LRRC1: variants seen among roughly 807,000 people sequenced by gnomAD.
LRRC1 encodes the protein leucine rich repeat containing 1.
A neutral mutation model predicts 69.9 loss-of-function variants in LRRC1; 28 were observed. The ratio of observed to expected loss-of-function variants is 0.40; its 90% CI spans 0.30 to 0.55. The LOEUF (loss-of-function observed/expected upper bound fraction) is 0.55, where lower values mean the gene tolerates loss of function less well. LRRC1 is among the 20% of genes least tolerant of loss of function. LRRC1 has a pLI of 0.47. For missense variants in LRRC1, 498 were observed against 609.0 expected (o/e 0.82, Z 1.92); for synonymous variants, 236 against 240.2 (o/e 0.98, Z 0.16).
chr6:53,837,924 A>C (rs185338040), intron 1 of LRRC1, among the ~76,000 whole-genome samples: 1 of 152,338 alleles, frequency 6.6e-6, no homozygotes, highest in Non-Finnish European at 1.5e-5. Flanking sequence ...ATAATTGTAC[A>C]GAATGTGCTC....
intron 4 of LRRC1, among the ~76,000 whole-genome samples, chr6:53,888,889 A>G (rs190374434): frequency 3.9e-5 from 6 of 152,210 alleles, no homozygotes; most frequent in African/African-American, 1.4e-4. Flanking sequence ...ACTTGTGTGC[A>G]TCAAAGAATA....
intron 2 of LRRC1, among the ~76,000 whole-genome samples, chr6:53,863,691 G>C (rs750911356): frequency 3.3e-4 from 50 of 152,088 alleles, no homozygotes; most frequent in Non-Finnish European, 2.1e-4. Context: ...TGGTTGCCAG[G>C]CTTTTTGAAG....
chr6:53,915,158 T>C (rs138929401), intron 11 of LRRC1, among the ~76,000 whole-genome samples: 1 of 152,244 alleles, frequency 6.6e-6, no homozygotes, highest in East Asian at 1.9e-4. Flanking sequence ...TGATCTTAAA[T>C]GGTAAAGGCC....
intron 2 of LRRC1, among the ~76,000 whole-genome samples, chr6:53,869,333 A>G (rs1046919983): frequency 1.3e-5 from 2 of 152,074 alleles, no homozygotes; most frequent in African/African-American, 4.8e-5. Context: ...CTCAAATTAC[A>G]GTTTTTAATG....
At chr6:53,845,255 A>G (rs539878474) in intron 2 of LRRC1, among the ~76,000 whole-genome samples, 1 of 152,302 alleles carries the variant, frequency 6.6e-6, no homozygotes, top group African/African-American at 2.4e-5. Context: ...CAGAAGAACA[A>G]GGTCACTATT....
At chr6:53,868,031 G>T (rs1766762573) in intron 2 of LRRC1, among the ~76,000 whole-genome samples, 1 of 151,868 alleles carries the variant, frequency 6.6e-6, no homozygotes, top group Admixed American at 6.6e-5. Flanking sequence ...GTAATTTTGG[G>T]TTACATTCCT....
chr6:53,916,754 C>T (rs1042358150), intron 11 of LRRC1, among the ~76,000 whole-genome samples: 2 of 152,048 alleles, frequency 1.3e-5, no homozygotes, highest in Admixed American at 6.6e-5. Flanking sequence ...CATTGTAAGG[C>T]GTATTCAGTC....
At chr6:53,894,596 A>G (rs1450335467) in intron 4 of LRRC1, among the ~76,000 whole-genome samples, 1 of 152,232 alleles carries the variant, frequency 6.6e-6, no homozygotes, top group African/African-American at 2.4e-5. Context: ...TCATTTTAAA[A>G]ATTTAAATGT....
At chr6:53,798,600 C>G (rs779077379) in intron 1 of LRRC1, among the ~76,000 whole-genome samples, 1 of 152,134 alleles carries the variant, frequency 6.6e-6, no homozygotes, top group African/African-American at 2.4e-5. Context: ...AGGATGGTCT[C>G]GATCTCCTGA....
At chr6:53,897,630 T>C (rs1469403687) in intron 7 of LRRC1, among the ~76,000 whole-genome samples, 5 of 152,226 alleles carry the variant, frequency 3.3e-5, no homozygotes, top group Non-Finnish European at 7.3e-5. Flanking sequence ...GCTACCCATA[T>C]AGCTTACTTC....
intron 4 of LRRC1, among the ~76,000 whole-genome samples, chr6:53,884,800 GA>G (rs1476240153): frequency 2.0e-5 from 3 of 152,060 alleles, no homozygotes; most frequent in African/African-American, 7.2e-5. Context: ...TATTTTAATG[GA>G]AAGTATTATT....
At chr6:53,878,189 T>A (rs568187576) in intron 2 of LRRC1, among the ~76,000 whole-genome samples, 64 of 152,090 alleles carry the variant, frequency 4.2e-4, no homozygotes, top group African/African-American at 1.5e-3. Flanking sequence ...TTCAATTACC[T>A]CCTACTGGGT....
Position 53,897,350 on chromosome 6 carries a change from A to T in LRRC1, c.633A>T (p.Glu211Asp). The change falls in exon 7 of 14, where the codon GAA becomes GAT. Residue 211 changes from glutamate (E) to aspartate (D), a missense_variant. Physicochemically the swap from Glu to Asp is conservative, Grantham distance 45 (BLOSUM62 2). Coordinates refer to ENST00000370888, the MANE Select transcript of LRRC1 (RefSeq NM_018214.5). ...DLWLDGNQLS[E>D]LPQEIGNLKN... ...GGTTGGATGGAAATCAACTGTCAGA[A>T]TTACCTCAGGTAAGTGGTAATTTCA... is the stretch of plus-strand genomic sequence containing the variant. 6.2e-7 allele frequency: 1 copy of T among 1,608,754 alleles called. No individual in the cohort carries two copies. Among genetic ancestry groups the T allele is most frequent in the Non-Finnish European group, 8.5e-7 (1 of 1,175,456 alleles).
chr6:53,895,173 C>T (rs144439044), intron 4 of LRRC1, among the ~76,000 whole-genome samples: 1 of 152,278 alleles, frequency 6.6e-6, no homozygotes, highest in East Asian at 1.9e-4. Context: ...CCACCTCGGC[C>T]TCCCAAAGTG....
At chr6:53,841,995 A>G (rs1765803841) in intron 1 of LRRC1, 115 bp from the exon 2 acceptor site, 1 of 623,594 alleles carries the variant, frequency 1.6e-6, no homozygotes, top group South Asian at 2.1e-5. Context: ...TAGGAAATTG[A>G]TGTTGCTACA....
At chr6:53,867,673 A>G (rs998485979) in intron 2 of LRRC1, among the ~76,000 whole-genome samples, 1 of 152,060 alleles carries the variant, frequency 6.6e-6, no homozygotes, top group African/African-American at 2.4e-5. Context: ...ATTTTTTTTA[A>G]CCAGGAGTGG....
Position 53,913,740 on chromosome 6 carries a change from A to G in LRRC1, c.991-114A>G, listed in dbSNP as rs530946916. ...TGGTCATCAGTGAGACCGGTGAGTT[A>G]TGTGGTATAAGTTTATGCATCCTTT... is the stretch of plus-strand genomic sequence containing the variant. On this transcript the variant is annotated intron_variant, in intron 10 of 13. Coordinates refer to ENST00000370888, the MANE Select transcript of LRRC1 (RefSeq NM_018214.5). 17 of 549,520 alleles carry G rather than the reference A, an allele frequency of 3.1e-5. No homozygotes were observed. The South Asian group carries it at 5.9e-4, about 19-fold the overall frequency. The allele number at this position is 549,520 out of a possible 1,614,324, so 34.0% of individuals were successfully genotyped here. A position where few individuals can be genotyped will look rare whatever the true frequency, so the allele number is the denominator to read the frequency against.
In LRRC1 at chr6:53,923,344, A is replaced by G. The variant is rs1393762994; in HGVS notation, c.*551A>G. On this transcript the variant is annotated 3_prime_UTR_variant, in exon 14 of 14. Coordinates refer to ENST00000370888, the MANE Select transcript of LRRC1 (RefSeq NM_018214.5). ...TACATATTTTAGTATTTGTGCAGAA[A>G]AACAAGTCCTAAAGTATTTGTTTTT... 1 of 152,672 alleles carries G rather than the reference A, an allele frequency of 6.5e-6. No individual in the cohort carries two copies. The highest frequency in any genetic ancestry group is 1.5e-5 in the Non-Finnish European group (1 of 68,088). 9.5% of individuals were successfully genotyped at this position (152,672 alleles called of 1,614,324 possible).
At chr6:53,884,216 A>G in intron 4 of LRRC1, 1 of 542,264 alleles carries the variant, frequency 1.8e-6, no homozygotes, top group Non-Finnish European at 3.3e-6. Context: ...TAATGTAACA[A>G]TTTTTGTGCT....
Sources: allele counts gnomAD v4.1 joint callset (sites outside exome capture counted in the v4.1 genomes callset), GRCh38; gene constraint gnomAD v4.1.1; transcripts MANE v1.5; gene names NCBI Gene and HGNC (gene_info 2026-07-23, HGNC 2026-07-21).